The following HSPBAP1 variants were observed in gnomAD, a reference collection of about 807,000 sequenced individuals.
HSPBAP1 encodes HSPB1-associated protein 1.
In HSPBAP1, 27 loss-of-function variants were observed where a neutral mutation model predicts 45.2. The ratio of observed to expected loss-of-function variants is 0.60; its 90% CI spans 0.44 to 0.82. The LOEUF is 0.82. Ranked by LOEUF, HSPBAP1 falls within the 40% of genes least tolerant of loss-of-function variation. The pLI, the probability that HSPBAP1 is intolerant of heterozygous loss-of-function variation, is 0.00. For synonymous variants in HSPBAP1, 204 were observed against 202.7 expected, an observed-to-expected ratio of 1.01 and a Z score of -0.06; for missense variants, 510 against 590.9, an observed-to-expected ratio of 0.86 and a Z score of 1.42.
At position 122,777,896 on chromosome 3, in the gene HSPBAP1, G is replaced by A; in HGVS notation, c.75C>T (p.Val25=). ...AGAGGEEGEH[V]KPFKPEKAKE... is the part of the protein sequence containing the mutation. ...TTGCTTTCTCTGGCTTAAAAGGTTT[G>A]ACATGTTCACCTAGAAAGAGAAATG... Residue 25 remains valine, a synonymous_variant, in exon 2 of 8, where the codon GTC becomes GTT. Transcript: ENST00000306103. The A allele has an allele frequency of 6.2e-7, 1 of 1,611,134 alleles. No individual in the cohort carries two copies. Among genetic ancestry groups the A allele is most frequent in the South Asian group, 1.1e-5 (1 of 90,786 alleles).
intron 4 of HSPBAP1, among the ~76,000 whole-genome samples, chr3:122,757,781 G>T (rs1350493973): frequency 6.6e-6 from 1 of 152,210 alleles, no homozygotes; most frequent in African/African-American, 2.4e-5. Context: ...ATCATAGAGA[G>T]AATTCAGGTA....
chr3:122,775,466 T>C (rs1935160125), intron 2 of HSPBAP1, among the ~76,000 whole-genome samples: 2 of 152,154 alleles, frequency 1.3e-5, no homozygotes, highest in Non-Finnish European at 2.9e-5. Context: ...AGAATAGTTA[T>C]AATTTTTTTT....
chr3:122,789,284 A>G (rs1266126863), intron 1 of HSPBAP1, among the ~76,000 whole-genome samples: 7 of 152,220 alleles, frequency 4.6e-5, no homozygotes, highest in Non-Finnish European at 1.0e-4. Flanking sequence ...TTACTAACAC[A>G]TTCTCCTCTT....
At chr3:122,779,798 A>C (rs1253458081) in intron 1 of HSPBAP1, among the ~76,000 whole-genome samples, 3 of 151,924 alleles carry the variant, frequency 2.0e-5, no homozygotes, top group Non-Finnish European at 1.5e-5. Flanking sequence ...GACACAGCAC[A>C]TGTTTCAGAG....
intron 6 of HSPBAP1, chr3:122,741,407 AT>A (rs1933663775): frequency 6.3e-6 from 2 of 317,824 alleles, no homozygotes; most frequent in African/African-American, 2.1e-5. Flanking sequence ...ATTATTTGAC[AT>A]GTTTAAAGTT....
At chr3:122,774,124 C>T (rs961286983) in intron 2 of HSPBAP1, among the ~76,000 whole-genome samples, 2 of 152,182 alleles carry the variant, frequency 1.3e-5, no homozygotes, top group African/African-American at 4.8e-5. Context: ...CATGATGAGA[C>T]GTGGCCCTTG....
intron 2 of HSPBAP1, among the ~76,000 whole-genome samples, chr3:122,769,792 G>A (rs891328024): frequency 2.0e-5 from 3 of 152,200 alleles, no homozygotes; most frequent in Admixed American, 6.5e-5. Context: ...CAATCCTCGC[G>A]TCTCAGCCTC....
intron 2 of HSPBAP1, among the ~76,000 whole-genome samples, chr3:122,775,183 T>C (rs1935147759): frequency 6.6e-6 from 1 of 151,434 alleles, no homozygotes; most frequent in Non-Finnish European, 1.5e-5. Context: ...AAGGCCTACA[T>C]GGGCATACCT....
At chr3:122,745,431 G>A (rs934002199) in intron 6 of HSPBAP1, among the ~76,000 whole-genome samples, 11 of 152,304 alleles carry the variant, frequency 7.2e-5, no homozygotes, top group Middle Eastern at 6.8e-3. Flanking sequence ...CTTATCTGCA[G>A]TTTCGCTTTC....
At position 122,780,900 on chromosome 3, in the gene HSPBAP1, TC is replaced by T. The variant is rs1158426194; in HGVS notation, c.65-2995del. 9.5e-4 allele frequency among the ~76,000 whole-genome samples: 77 copies of T among 80,804 alleles called. 5 individuals carry two copies. Among genetic ancestry groups the T allele is most frequent in the African/African-American group, 2.1e-3 (56 of 26,394 alleles). 53.0% of individuals were successfully genotyped at this position (80,804 alleles called of 152,430 possible). A position where few individuals can be genotyped will look rare whatever the true frequency, so the allele number is the denominator to read the frequency against. On this transcript the variant is annotated intron_variant, in intron 1 of 7. Transcript: ENST00000306103. ...CGGGGTCGCGGCCGGGCAGAGGCAC[TC>T]CTCACATCCCAGACGGGGCGGCGGG...
chr3:122,755,499 CA>C, intron 4 of HSPBAP1, 68 bp from the exon 5 acceptor site: 1 of 1,166,176 alleles, frequency 8.6e-7, no homozygotes, highest in South Asian at 1.9e-5. Context: ...TGGAAGAAGA[CA>C]AAAGCTAAGT....
At chr3:122,779,357 C>T (rs1935322709) in intron 1 of HSPBAP1, among the ~76,000 whole-genome samples, 2 of 151,730 alleles carry the variant, frequency 1.3e-5, no homozygotes, top group Non-Finnish European at 2.9e-5. Flanking sequence ...ATTTCATTTT[C>T]TAGTTGAACA....
intron 6 of HSPBAP1, among the ~76,000 whole-genome samples, chr3:122,746,310 T>TC (rs1419962503): frequency 6.6e-6 from 1 of 151,112 alleles, no homozygotes; most frequent in Non-Finnish European, 1.5e-5. Context: ...TTTTTTTTTT[T>TC]TCCTAAAGCT....
intron 2 of HSPBAP1, among the ~76,000 whole-genome samples, chr3:122,776,290 T>TA (rs1172639999): frequency 6.6e-6 from 1 of 152,210 alleles, no homozygotes; most frequent in African/African-American, 2.4e-5. Context: ...TTTTATTTAA[T>TA]AAAAAAGAAC....
intron 6 of HSPBAP1, among the ~76,000 whole-genome samples, chr3:122,747,641 G>GC (rs550431129): frequency 1.2e-4 from 18 of 146,640 alleles, no homozygotes; most frequent in Admixed American, 3.4e-4. Context: ...GGGGGGGTCA[G>GC]CCCCCCGCCC....
At chr3:122,747,999 A>T (rs1000621934) in intron 6 of HSPBAP1, among the ~76,000 whole-genome samples, 3 of 152,204 alleles carry the variant, frequency 2.0e-5, no homozygotes, top group African/African-American at 7.2e-5. Context: ...GTGTAGAAAG[A>T]AGTAGACATG....
chr3:122,746,025 A>G (rs1044164693), intron 6 of HSPBAP1, among the ~76,000 whole-genome samples: 3 of 152,226 alleles, frequency 2.0e-5, no homozygotes, highest in South Asian at 2.1e-4. Flanking sequence ...ACTGATTACA[A>G]TCGGGTTTGG....
In HSPBAP1 at chr3:122,756,330, T is replaced by G. The variant is rs111664444; in HGVS notation, c.570-899A>C. Among the ~76,000 whole-genome samples, 481 of 152,312 alleles carry G rather than the reference T, an allele frequency of 3.2e-3. 4 individuals carry two copies. The highest frequency in any genetic ancestry group is 9.8e-3 in the African/African-American group (409 of 41,562). On this transcript the variant is annotated intron_variant, in intron 4 of 7. Transcript: ENST00000306103. Reference sequence around the variant, plus strand: ...AACTAAGAAGTATATGCTGAAGTCTTATTTTGCTTTGGAAATTTGAAGGTT... The same window carrying G: ...AACTAAGAAGTATATGCTGAAGTCTGATTTTGCTTTGGAAATTTGAAGGTT...
At chr3:122,751,267 C>T (rs1401532664) in intron 6 of HSPBAP1, among the ~76,000 whole-genome samples, 1 of 152,188 alleles carries the variant, frequency 6.6e-6, no homozygotes, top group Non-Finnish European at 1.5e-5. Context: ...ATATGCCACG[C>T]ACTATATTAG....
Sources: gnomAD v4.1 joint callset for allele counts (sites outside exome capture counted in the v4.1 genomes callset) on GRCh38, gnomAD v4.1.1 for gene constraint, MANE v1.5 for transcripts, NCBI Gene and HGNC (gene_info 2026-07-23, HGNC 2026-07-21) for gene names.